ICA1L: variants seen among roughly 807,000 people sequenced by gnomAD.
ICA1L encodes islet cell autoantigen 1 like.
ICA1L carries 50 observed loss-of-function variants against 61.3 expected under a neutral mutation model. The ratio of observed to expected loss-of-function variants is 0.82; its 90% CI spans 0.65 to 1.03. The LOEUF is 1.03. Ranked by LOEUF, ICA1L falls within the 50% of genes least tolerant of loss-of-function variation. The pLI is 0.00. For synonymous variants in ICA1L, 161 were observed against 191.3 expected (o/e 0.84, Z 1.31); for missense variants, 508 against 556.7 (o/e 0.91, Z 0.88).
At chr2:202,842,623 G>A (rs1046227794) in intron 1 of ICA1L, among the ~76,000 whole-genome samples, 2 of 152,126 alleles carry the variant, frequency 1.3e-5, no homozygotes, top group African/African-American at 4.8e-5. Context: ...ATATCTTAGT[G>A]TAATCTTGTT....
chr2:202,842,846 TCTGA>T (rs1410479283), intron 1 of ICA1L, among the ~76,000 whole-genome samples: 5 of 152,338 alleles, frequency 3.3e-5, no homozygotes, highest in Admixed American at 1.3e-4. Context: ...TTTTTTCTTC[TCTGA>T]CTGTATGTTT....
chr2:202,782,966 G>A (rs1226215841), intron 12 of ICA1L, among the ~76,000 whole-genome samples: 1 of 152,160 alleles, frequency 6.6e-6, no homozygotes, highest in Non-Finnish European at 1.5e-5. Flanking sequence ...TTCTGAACCT[G>A]CCAGTGTGAA....
At chr2:202,860,309 T>TAATAATAATAAA (rs1308145629) in intron 1 of ICA1L, 36 of 148,660 alleles carry the variant, frequency 2.4e-4, no homozygotes, top group East Asian at 1.8e-3. Flanking sequence ...ATAATAATAA[T>TAATAATAATAAA]AAATGGGAAA....
chr2:202,850,523 G>A lies in ICA1L; in HGVS notation c.-8+21096C>T, dbSNP rs984978445. Among the ~76,000 whole-genome samples the A allele has an allele frequency of 9.9e-5, 15 of 151,988 alleles. No homozygotes were observed. In the East Asian group the frequency reaches 2.1e-3, roughly 21 times the overall value. ...GTATCAATAGCTGAATCAATCAAGC[G>A]GAAGAAAGGATATCAGAAACTGAAG... On this transcript the variant is annotated intron_variant, in intron 1 of 12. Coordinates refer to ENST00000358299, the MANE Select transcript of ICA1L (RefSeq NM_001288622.3).
At chr2:202,847,138 AAC>A (rs1232263756) in intron 1 of ICA1L, among the ~76,000 whole-genome samples, 2 of 152,234 alleles carry the variant, frequency 1.3e-5, no homozygotes, top group African/African-American at 2.4e-5. Context: ...AGAGAGACTA[AAC>A]ACAGAGAGTT....
At chr2:202,780,318 C>T (rs1559124285) in intron 12 of ICA1L, among the ~76,000 whole-genome samples, 1 of 152,192 alleles carries the variant, frequency 6.6e-6, no homozygotes, top group Non-Finnish European at 1.5e-5. Flanking sequence ...CACTTTAAAA[C>T]TTTTTGATGT....
intron 10 of ICA1L, among the ~76,000 whole-genome samples, chr2:202,795,283 G>A (rs1222491499): frequency 3.3e-5 from 5 of 151,946 alleles, no homozygotes; most frequent in African/African-American, 9.7e-5. Flanking sequence ...GAGCCACCGC[G>A]CCCGGCCCTA....
chr2:202,793,035 G>A (rs191815889), intron 10 of ICA1L, among the ~76,000 whole-genome samples: 2 of 152,180 alleles, frequency 1.3e-5, no homozygotes, highest in South Asian at 4.1e-4. Context: ...AATTTGGGGG[G>A]TAATGGAAAC....
chr2:202,840,904 C>A, intron 1 of ICA1L: 2 of 705,166 alleles, frequency 2.8e-6, no homozygotes, highest in East Asian at 3.3e-5. Context: ...TGCTTCCCAG[C>A]CAGCGTCTGC....
In ICA1L at chr2:202,849,822, T is replaced by C. The variant is rs1339759159; in HGVS notation, c.-7-20806A>G. Among the ~76,000 whole-genome samples, 1 of 152,172 alleles carries C rather than the reference T, an allele frequency of 6.6e-6. No homozygotes were observed. The highest frequency in any genetic ancestry group is 1.5e-5 in the Non-Finnish European group (1 of 68,040). On this transcript the variant is annotated intron_variant, in intron 1 of 12. Coordinates refer to ENST00000358299, the MANE Select transcript of ICA1L (RefSeq NM_001288622.3). The surrounding 1 kb of genome is among the most constrained non-coding windows in gnomAD (Gnocchi z 4.5). Reference sequence around the variant, plus strand: ...CTAGGGGACAGACAGCCTCCTCAAGTGGGTCCCAGACCCCCATGCCTCCTG... The same window carrying C: ...CTAGGGGACAGACAGCCTCCTCAAGCGGGTCCCAGACCCCCATGCCTCCTG...
chr2:202,840,696 C>T, intron 1 of ICA1L: 1 of 599,684 alleles, frequency 1.7e-6, no homozygotes, highest in Admixed American at 1.9e-5. Context: ...TCCTGCTTGG[C>T]CCGCTGCAGG....
At chr2:202,855,666 G>A (rs1229459330) in intron 1 of ICA1L, among the ~76,000 whole-genome samples, 1 of 152,116 alleles carries the variant, frequency 6.6e-6, no homozygotes, top group Non-Finnish European at 1.5e-5. Context: ...AATTGAGGCA[G>A]TAATTAATAG....
chr2:202,820,237 TG>T (rs1298726099), intron 4 of ICA1L, among the ~76,000 whole-genome samples: 1 of 151,904 alleles, frequency 6.6e-6, no homozygotes, highest in African/African-American at 2.4e-5. Flanking sequence ...TAGCCAGGTG[TG>T]ATGGTGGGTG....
chr2:202,841,903 G>T, intron 1 of ICA1L: 1 of 241,780 alleles, frequency 4.1e-6, no homozygotes, highest in Non-Finnish European at 8.2e-6. Flanking sequence ...TTGTTGCCCA[G>T]ACTGGAGTGC....
At chr2:202,798,100 C>T (rs1328857273) in intron 9 of ICA1L, among the ~76,000 whole-genome samples, 1 of 152,160 alleles carries the variant, frequency 6.6e-6, no homozygotes, top group East Asian at 1.9e-4. Context: ...TCACAAATGA[C>T]AGGATTTCCT....
chr2:202,814,874 C>A, intron 7 of ICA1L, 90 bp from the exon 8 acceptor site: 1 of 880,278 alleles, frequency 1.1e-6, no homozygotes, highest in South Asian at 1.6e-5. Flanking sequence ...TCTAAAGAAC[C>A]ATATGAAATA....
chr2:202,782,533 C>T (rs1692443786), intron 12 of ICA1L, among the ~76,000 whole-genome samples: 1 of 151,836 alleles, frequency 6.6e-6, no homozygotes, highest in Non-Finnish European at 1.5e-5. Flanking sequence ...CTCAGCCTCC[C>T]AAGTAGCTGG....
At chr2:202,864,071 C>A (rs1352888860) in intron 1 of ICA1L, among the ~76,000 whole-genome samples, 1 of 151,986 alleles carries the variant, frequency 6.6e-6, no homozygotes, top group South Asian at 2.1e-4. Flanking sequence ...CAAAACGAAA[C>A]CCTTTCAGAA....
chr2:202,856,616 G>A (rs13431574), intron 1 of ICA1L, among the ~76,000 whole-genome samples: 37,387 of 152,028 alleles, frequency 0.25, 5,204 homozygotes, highest in East Asian at 0.52. Context: ...ACATAGTATT[G>A]GAAGTTCTGG....
Sources: gnomAD v4.1 joint callset for allele counts (sites outside exome capture counted in the v4.1 genomes callset) on GRCh38, gnomAD v4.1.1 for gene constraint, Gnocchi (gnomAD v3.1) non-coding constraint, MANE v1.5 for transcripts, NCBI Gene and HGNC (gene_info 2026-07-23, HGNC 2026-07-21) for gene names.